ATXN7L1: variants seen among roughly 807,000 people sequenced by gnomAD.
ATXN7L1 encodes ataxin 7 like 1, also known as ataxin-7-like protein 1.
A neutral mutation model predicts 70.8 loss-of-function variants in ATXN7L1; 15 were observed. That is an observed-to-expected ratio of 0.21 (90% CI 0.14 to 0.33). The LOEUF is 0.33. ATXN7L1 is among the 10% of genes least tolerant of loss of function. The probability of loss-of-function intolerance (pLI) is 1.00; values close to 1 mark genes in which losing one functional copy is unlikely to be tolerated. For missense variants in ATXN7L1, 975 were observed against 1,097.1 expected (o/e 0.89, Z 1.57); for synonymous variants, 440 against 445.1 (o/e 0.99, Z 0.14).
chr7:105,760,083 C>T lies in ATXN7L1; in HGVS notation c.355+28521G>A, dbSNP rs536903429. 36 of 608,502 alleles carry T rather than the reference C, an allele frequency of 5.9e-5. No homozygotes were observed. In the South Asian group the frequency reaches 2.2e-3, roughly 37 times the overall value. 37.7% of individuals were successfully genotyped at this position (608,502 alleles called of 1,614,324 possible). On this transcript the variant is annotated intron_variant, in intron 3 of 11. Transcript: ENST00000419735. ...AAGCCTCCTCCTACTTCTGGGAAGT[C>T]TCTCCTTTTTCTGGCTTCCATCATG...
chr7:105,649,306 TCTC>T (rs1238000497), intron 4 of ATXN7L1: 17 of 940,792 alleles, frequency 1.8e-5, no homozygotes, highest in Non-Finnish European at 2.0e-5. Flanking sequence ...GGAGTAGTTC[TCTC>T]CTCATCATCT....
At position 105,641,212 on chromosome 7, in the gene ATXN7L1, CTCTTTTTTTTTTTTTTTTT is replaced by C. The variant is rs1314660978; in HGVS notation, c.862+1607_862+1625del. On this transcript the variant is annotated intron_variant, in intron 5 of 11. Coordinates refer to ENST00000419735, the MANE Select transcript of ATXN7L1 (RefSeq NM_020725.2). ...CTGCCTTTTCTCTCTCTCTCTCTCTCTCTTTTTTTTTTTTTTTTTTTTTTTTTTTTTTAGCTTCACTTAG... is the reference window on the plus strand; with the variant it reads ...CTGCCTTTTCTCTCTCTCTCTCTCTCTTTTTTTTTTTTTAGCTTCACTTAG... Among the ~76,000 whole-genome samples, 188 of 64,034 alleles carry C rather than the reference CTCTTTTTTTTTTTTTTTTT, an allele frequency of 2.9e-3. 4 individuals carry two copies. The East Asian group carries it at 0.041, about 14-fold the overall frequency. The allele number at this position is 64,034 out of a possible 152,430, so 42.0% of individuals were successfully genotyped here. A position where few individuals can be genotyped will look rare whatever the true frequency, so the allele number is the denominator to read the frequency against.
intron 3 of ATXN7L1, among the ~76,000 whole-genome samples, chr7:105,731,919 T>C (rs7795889): frequency 0.57 from 86,538 of 150,762 alleles, 25,780 homozygotes; most frequent in East Asian, 0.78. Flanking sequence ...ATGGTGAAAC[T>C]CCATCTCTAC....
chr7:105,685,646 T>C (rs1481914183), intron 3 of ATXN7L1, among the ~76,000 whole-genome samples: 2 of 152,168 alleles, frequency 1.3e-5, no homozygotes, highest in African/African-American at 2.4e-5. Context: ...GGTCCCCTTG[T>C]TGAGACCAGA....
intron 2 of ATXN7L1, among the ~76,000 whole-genome samples, chr7:105,832,227 G>C (rs1190785353): frequency 6.6e-6 from 1 of 152,114 alleles, no homozygotes; most frequent in Non-Finnish European, 1.5e-5. Context: ...AAAGAACAGT[G>C]AAAAATTTTT....
intron 3 of ATXN7L1, among the ~76,000 whole-genome samples, chr7:105,780,026 G>A (rs992741624): frequency 9.2e-5 from 14 of 152,258 alleles, no homozygotes; most frequent in Middle Eastern, 3.4e-3. Flanking sequence ...AAGTCTTGGC[G>A]GGATAATTAG....
rs886086146 is a variant in ATXN7L1 at position 105,624,201 on chromosome 7, G to C, written c.1269C>G (p.Pro423=). The change falls in exon 8 of 12, where the codon CCC becomes CCG. Residue 423 remains proline (P), a synonymous_variant. Transcript: ENST00000419735. ...GGTCACCTCCAACCGGTGGGAGTGG[G>C]GGCTCTGGAGTGTGGCCGCTATGAT... ...SSNHSGHTPE[P]PLPPVGGDLA... 27 of 1,523,474 alleles carry C rather than the reference G, an allele frequency of 1.8e-5. No homozygotes were observed. Among genetic ancestry groups the C allele is most frequent in the Non-Finnish European group, 2.4e-5 (27 of 1,131,140 alleles). The allele number at this position is 1,523,474 out of a possible 1,614,324, so 94.4% of individuals were successfully genotyped here.
At chr7:105,761,740 G>T (rs1800583677) in intron 3 of ATXN7L1, among the ~76,000 whole-genome samples, 2 of 152,122 alleles carry the variant, frequency 1.3e-5, no homozygotes, top group African/African-American at 4.8e-5. Flanking sequence ...TGCAAGACCT[G>T]AATTCCTATA....
At chr7:105,679,170 C>T (rs1805197577) in intron 3 of ATXN7L1, 3 of 981,852 alleles carry the variant, frequency 3.1e-6, no homozygotes, top group Non-Finnish European at 2.4e-6. Flanking sequence ...AGTCAGAACG[C>T]ACCACTTCCC....
chr7:105,657,345 A>G (rs1166603660), intron 4 of ATXN7L1, among the ~76,000 whole-genome samples: 2 of 152,098 alleles, frequency 1.3e-5, no homozygotes, highest in African/African-American at 4.8e-5. Flanking sequence ...AGAGGGTCCC[A>G]CCCAGGGTCA....
intron 2 of ATXN7L1, among the ~76,000 whole-genome samples, chr7:105,799,397 G>A (rs1363610682): frequency 6.6e-6 from 1 of 152,150 alleles, no homozygotes; most frequent in African/African-American, 2.4e-5. Context: ...AAGATTCAGA[G>A]ATGAAGAAGA....
intron 3 of ATXN7L1, among the ~76,000 whole-genome samples, chr7:105,675,879 T>G (rs1269187486): frequency 6.8e-6 from 1 of 146,164 alleles, no homozygotes; most frequent in East Asian, 2.0e-4. Context: ...ATTCATTCAT[T>G]CACTCTTTTT....
intron 3 of ATXN7L1, among the ~76,000 whole-genome samples, chr7:105,690,466 G>C (rs1006771479): frequency 6.6e-6 from 1 of 152,162 alleles, no homozygotes; most frequent in African/African-American, 2.4e-5. Flanking sequence ...TGTGATGCTG[G>C]GGGTGGGGTT....
Position 105,624,660 on chromosome 7 carries a change from A to AC in ATXN7L1, c.1203-394_1203-393insG, listed in dbSNP as rs1554393839. On this transcript the variant is annotated intron_variant, in intron 7 of 11. Transcript: ENST00000419735. Reference sequence around the variant, plus strand: ...GCAAGACTCTGTCTCAAAAAAAAAAAAAAAAACAGCCTGATTAGCCTTGCC... The same window carrying AC: ...GCAAGACTCTGTCTCAAAAAAAAAAACAAAAAACAGCCTGATTAGCCTTGCC... Among the ~76,000 whole-genome samples the AC allele has an allele frequency of 7.3e-5, 11 of 151,558 alleles. 1 individual carries two copies. Among genetic ancestry groups the AC allele is most frequent in the African/African-American group, 2.7e-4 (11 of 41,290 alleles).
At chr7:105,714,216 C>T (rs66474882) in intron 3 of ATXN7L1, among the ~76,000 whole-genome samples, 8,481 of 152,310 alleles carry the variant, frequency 0.056, 280 homozygotes, top group Admixed American at 0.073. Context: ...AAATGCTATA[C>T]AACTGAACCT....
chr7:105,845,579 G>T (rs1421646005), intron 2 of ATXN7L1, among the ~76,000 whole-genome samples: 2 of 147,258 alleles, frequency 1.4e-5, no homozygotes, highest in Admixed American at 1.4e-4. Context: ...AATTCAAGAA[G>T]TTCCTATTGT....
chr7:105,633,104 T>C (rs755553518), intron 7 of ATXN7L1, among the ~76,000 whole-genome samples: 1 of 152,100 alleles, frequency 6.6e-6, no homozygotes, highest in Non-Finnish European at 1.5e-5. Flanking sequence ...CAAAATTCTG[T>C]AGGGAAATGA....
chr7:105,854,462 A>T (rs1815392193), intron 2 of ATXN7L1, among the ~76,000 whole-genome samples: 1 of 114,234 alleles, frequency 8.8e-6, no homozygotes. Flanking sequence ...GGGTTTGAAA[A>T]TTAGCTCTGA....
chr7:105,837,849 T>C (rs1235354787), intron 2 of ATXN7L1, among the ~76,000 whole-genome samples: 1 of 152,068 alleles, frequency 6.6e-6, no homozygotes, highest in Admixed American at 6.5e-5. Context: ...AGTGGCACTC[T>C]GGACCTCTGG....
Sources: gnomAD v4.1 joint callset for allele counts (sites outside exome capture counted in the v4.1 genomes callset) on GRCh38, gnomAD v4.1.1 for gene constraint, MANE v1.5 for transcripts, NCBI Gene and HGNC (gene_info 2026-07-23, HGNC 2026-07-21) for gene names.